ASTN2: variants seen among roughly 807,000 people sequenced by gnomAD.
The protein encoded by ASTN2 is astrotactin 2.
ASTN2 carries 54 observed loss-of-function variants against 139.8 expected under a neutral mutation model. That is an observed-to-expected ratio of 0.39 (90% CI 0.31 to 0.48). ASTN2 has a LOEUF of 0.48. Ranked by LOEUF, ASTN2 falls within the 20% of genes least tolerant of loss-of-function variation. The pLI is 0.95. For missense variants in ASTN2, 1,565 were observed against 1,725.1 expected, an observed-to-expected ratio of 0.91 and a Z score of 1.64; for synonymous variants, 756 against 719.5, an observed-to-expected ratio of 1.05 and a Z score of -0.81.
At chr9:117,050,957 A>T (rs1838897392) in intron 5 of ASTN2, among the ~76,000 whole-genome samples, 1 of 152,130 alleles carries the variant, frequency 6.6e-6, no homozygotes, top group African/African-American at 2.4e-5. Flanking sequence ...CTTTTCCAAC[A>T]TATCTAAGCA....
At chr9:116,936,329 A>G (rs1371038869) in intron 10 of ASTN2, among the ~76,000 whole-genome samples, 1 of 148,990 alleles carries the variant, frequency 6.7e-6, no homozygotes, top group East Asian at 2.0e-4. Context: ...CATAATCAGA[A>G]TTATAACCAC....
intron 1 of ASTN2, among the ~76,000 whole-genome samples, chr9:117,318,997 C>T (rs1352508124): frequency 6.6e-6 from 1 of 152,214 alleles, no homozygotes; most frequent in African/African-American, 2.4e-5. Context: ...TTCTACAGGG[C>T]ACCTCTTGGA....
intron 2 of ASTN2, among the ~76,000 whole-genome samples, chr9:117,225,803 G>C (rs1015695074): frequency 4.6e-5 from 7 of 151,658 alleles, no homozygotes; most frequent in African/African-American, 1.5e-4. Context: ...ATCGGATAAG[G>C]TGATATGTAT....
chr9:116,827,313 C>CA (rs141242698), intron 11 of ASTN2, among the ~76,000 whole-genome samples: 1,037 of 79,288 alleles, frequency 0.013, 3 homozygotes, highest in South Asian at 0.019. Context: ...CCATCCCCCC[C>CA]AAAAAAAAAA....
At chr9:117,141,240 G>A in intron 4 of ASTN2, 86 bp downstream of exon 4, 7 of 1,276,796 alleles carry the variant, frequency 5.5e-6, no homozygotes, top group Non-Finnish European at 7.2e-6. Flanking sequence ...AGGGAAGCAA[G>A]GGAAGAATGC....
At chr9:116,526,248 A>G (rs1851084166) in intron 19 of ASTN2, among the ~76,000 whole-genome samples, 1 of 152,196 alleles carries the variant, frequency 6.6e-6, no homozygotes, top group Non-Finnish European at 1.5e-5. Flanking sequence ...GAAACAGCTA[A>G]AAGCCCCTCT....
intron 11 of ASTN2, among the ~76,000 whole-genome samples, chr9:116,832,438 G>A (rs1321863481): frequency 6.6e-6 from 1 of 151,688 alleles, no homozygotes; most frequent in Non-Finnish European, 1.5e-5. Context: ...TCTTGTCTCT[G>A]ACCTTTTGGA....
intron 20 of ASTN2, among the ~76,000 whole-genome samples, chr9:116,443,914 T>C (rs1847911240): frequency 6.6e-6 from 1 of 152,164 alleles, no homozygotes; most frequent in African/African-American, 2.4e-5. Context: ...AAAAACACTA[T>C]GATTAGCAAG....
intron 10 of ASTN2, among the ~76,000 whole-genome samples, chr9:116,876,280 T>A (rs115543702): frequency 0.033 from 5,008 of 152,220 alleles, 311 homozygotes; most frequent in African/African-American, 0.11. Flanking sequence ...AGGTGGAGGT[T>A]GAAGATGTGA....
chr9:116,997,205 A>C (rs1330118386), intron 7 of ASTN2, among the ~76,000 whole-genome samples: 1 of 152,136 alleles, frequency 6.6e-6, no homozygotes, highest in East Asian at 1.9e-4. Flanking sequence ...AACCTTCTTG[A>C]CCTTCTAAAT....
chr9:117,185,431 A>G (rs1000938425), intron 3 of ASTN2, among the ~76,000 whole-genome samples: 1 of 152,198 alleles, frequency 6.6e-6, no homozygotes, highest in African/African-American at 2.4e-5. Context: ...CCACATTCAC[A>G]GATGCGTGCT....
In ASTN2 at chr9:116,850,009, T is replaced by C. The variant is rs1183071945; in HGVS notation, c.2040+13574A>G. ...CAATTTAAAAGAAGAAAAAAAATCC[T>C]TCTCTGAATGGAGACAGATGCCATA... On this transcript the variant is annotated intron_variant, in intron 11 of 22. Transcript: ENST00000313400. Among the ~76,000 whole-genome samples the C allele has an allele frequency of 2.0e-5, 3 of 152,008 alleles. No individual in the cohort carries two copies. In the East Asian group the frequency reaches 5.8e-4, roughly 29 times the overall value.
intron 10 of ASTN2, among the ~76,000 whole-genome samples, chr9:116,965,094 G>T (rs1032719290): frequency 6.6e-6 from 1 of 152,182 alleles, no homozygotes; most frequent in African/African-American, 2.4e-5. Flanking sequence ...CTGAAGGTGG[G>T]CAAATGAGTT....
chr9:116,597,304 T>TGTTTTTTTTG (rs949074211), intron 19 of ASTN2, among the ~76,000 whole-genome samples: 4 of 133,440 alleles, frequency 3.0e-5, no homozygotes, highest in Non-Finnish European at 6.4e-5. Context: ...GATCTATTTT[T>TGTTTTTTTTG]TTTTTTTTTT....
At chr9:116,631,736 A>G (rs753494520) in intron 17 of ASTN2, among the ~76,000 whole-genome samples, 2 of 152,208 alleles carry the variant, frequency 1.3e-5, no homozygotes, top group African/African-American at 4.8e-5. Flanking sequence ...TTCCCAATGT[A>G]AAAAAGGAAA....
intron 1 of ASTN2, among the ~76,000 whole-genome samples, chr9:117,374,266 G>A (rs552286044): frequency 6.6e-6 from 1 of 151,156 alleles, no homozygotes; most frequent in Admixed American, 6.6e-5. Flanking sequence ...ATGCTGGCAG[G>A]ACCCATGTCT....
At chr9:116,944,807 A>G (rs554849629) in intron 10 of ASTN2, among the ~76,000 whole-genome samples, 17 of 152,168 alleles carry the variant, frequency 1.1e-4, no homozygotes, top group African/African-American at 4.1e-4. Context: ...CTGGTTGGAT[A>G]TGAGGCTTGA....
intron 10 of ASTN2, among the ~76,000 whole-genome samples, chr9:116,888,807 T>C (rs1482969971): frequency 6.6e-6 from 1 of 152,126 alleles, no homozygotes; most frequent in Non-Finnish European, 1.5e-5. Context: ...ATCACCTAGG[T>C]ATTAAGCCCC....
At chr9:116,512,598 G>A (rs190600806) in intron 19 of ASTN2, among the ~76,000 whole-genome samples, 38 of 152,252 alleles carry the variant, frequency 2.5e-4, no homozygotes, top group Admixed American at 7.8e-4. Context: ...TGTTGACAGT[G>A]GGGTGTTAAA....
Sources: allele counts gnomAD v4.1 joint callset (sites outside exome capture counted in the v4.1 genomes callset), GRCh38; gene constraint gnomAD v4.1.1; transcripts MANE v1.5; gene names NCBI Gene and HGNC (gene_info 2026-07-23, HGNC 2026-07-21).